Variants in PATJ observed in about 807,000 individuals in gnomAD.
The protein encoded by PATJ is inaD-like protein.
PATJ carries 190 observed loss-of-function variants against 224.9 expected under a neutral mutation model. That is an observed-to-expected ratio of 0.84 (90% CI 0.75 to 0.95). The LOEUF is 0.95. PATJ is among the 40% of genes least tolerant of loss of function. The pLI is 0.00. For missense variants in PATJ, 2,121 were observed against 2,270.3 expected (o/e 0.93, Z 1.34); for synonymous variants, 769 against 820.3 (o/e 0.94, Z 1.07).
intron 43 of PATJ, among the ~76,000 whole-genome samples, chr1:62,156,553 T>C (rs1342590427): frequency 6.7e-6 from 1 of 149,180 alleles, no homozygotes; most frequent in African/African-American, 2.5e-5. Context: ...CCAATGTAAA[T>C]AATAGTTATT....
chr1:61,941,774 C>T (rs1015449777), intron 27 of PATJ, among the ~76,000 whole-genome samples: 2 of 152,154 alleles, frequency 1.3e-5, no homozygotes, highest in African/African-American at 2.4e-5. Context: ...TCATCCCTGT[C>T]TTTAATTATT....
intron 27 of PATJ, among the ~76,000 whole-genome samples, chr1:61,934,112 TTTGTTGTTGTTG>T (rs1167602132): frequency 4.7e-5 from 7 of 149,732 alleles, no homozygotes; most frequent in Non-Finnish European, 8.8e-5. Context: ...ATTTTTGTAT[TTTGTTGTTGTTG>T]TTATTGTTGT....
At chr1:62,084,826 T>C (rs1456625430) in intron 33 of PATJ, among the ~76,000 whole-genome samples, 178 bp downstream of exon 33, 1 of 152,174 alleles carries the variant, frequency 6.6e-6, no homozygotes, top group Non-Finnish European at 1.5e-5. Flanking sequence ...CAGTGTTTAA[T>C]TTTCAACAGT....
chr1:61,884,583 T>G (rs1050986699), intron 22 of PATJ, among the ~76,000 whole-genome samples, 175 bp downstream of exon 22: 1 of 152,004 alleles, frequency 6.6e-6, no homozygotes, highest in Non-Finnish European at 1.5e-5. Context: ...TACTTAAAAT[T>G]TTGCCATATG....
intron 31 of PATJ, among the ~76,000 whole-genome samples, chr1:62,077,686 C>CAAAAAAAAAA (rs11439364): frequency 1.1e-5 from 1 of 89,146 alleles, no homozygotes; most frequent in African/African-American, 4.1e-5. Context: ...AGACCCTGTC[C>CAAAAAAAAAA]AAAAAAAAAA....
At chr1:61,817,411 C>T (rs537451314) in intron 14 of PATJ, among the ~76,000 whole-genome samples, 1 of 152,260 alleles carries the variant, frequency 6.6e-6, no homozygotes, top group East Asian at 1.9e-4. Flanking sequence ...CGCCTGTAAT[C>T]CTAGCACTTT....
intron 35 of PATJ, 25 bp from the exon 36 acceptor site, chr1:62,116,507 C>T (rs1429751675): frequency 1.2e-6 from 2 of 1,612,598 alleles, no homozygotes; most frequent in Non-Finnish European, 1.7e-6. Flanking sequence ...TGTGCCAATA[C>T]TGCACTGCTG....
intron 41 of PATJ, among the ~76,000 whole-genome samples, chr1:62,136,185 G>A (rs1558219161): frequency 1.3e-5 from 2 of 151,618 alleles, no homozygotes; most frequent in South Asian, 4.2e-4. Context: ...GGCTCACACC[G>A]CCACGCCCGG....
At chr1:61,880,712 G>T (rs1447087606) in intron 21 of PATJ, among the ~76,000 whole-genome samples, 1 of 152,182 alleles carries the variant, frequency 6.6e-6, no homozygotes, top group African/African-American at 2.4e-5. Context: ...ACGTGTTTGA[G>T]CTTTCAGTCA....
At chr1:62,069,631 A>C (rs1220254461) in intron 31 of PATJ, among the ~76,000 whole-genome samples, 1 of 152,204 alleles carries the variant, frequency 6.6e-6, no homozygotes, top group Non-Finnish European at 1.5e-5. Context: ...ATTTTTGAGG[A>C]CAAGAAAAAA....
rs1386820465 is a variant in PATJ at position 62,045,688 on chromosome 1, G to T, written c.4033-5278G>T. ...CAGCAAGAGACGACAGGAACACCCA[G>T]CCATCCGGATTAGCTGAGTCATCTT... On this transcript the variant is annotated intron_variant, in intron 30 of 43. Coordinates refer to ENST00000642238, the MANE Select transcript of PATJ (RefSeq NM_001350145.3). 3.3e-5 allele frequency among the ~76,000 whole-genome samples: 5 copies of T among 152,272 alleles called. No individual in the cohort carries two copies. In the East Asian group the frequency reaches 9.6e-4, roughly 29 times the overall value.
At chr1:61,907,333 T>C (rs923011761) in intron 24 of PATJ, among the ~76,000 whole-genome samples, 2 of 152,208 alleles carry the variant, frequency 1.3e-5, no homozygotes, top group Non-Finnish European at 2.9e-5. Flanking sequence ...GTTGAGAAAA[T>C]AGAGGCAGTT....
intron 17 of PATJ, among the ~76,000 whole-genome samples, chr1:61,842,769 A>AAAAAAGGAAAAGAAG (rs1661316868): frequency 6.7e-6 from 1 of 150,288 alleles, no homozygotes. Flanking sequence ...CTATTAAAAA[A>AAAAAAGGAAAAGAAG]AAAAAGGAAT....
intron 30 of PATJ, among the ~76,000 whole-genome samples, chr1:62,046,440 T>G (rs181780652): frequency 1.1e-4 from 17 of 152,266 alleles, no homozygotes; most frequent in African/African-American, 3.9e-4. Flanking sequence ...GACTCCCAAC[T>G]CCATCTAGAT....
At chr1:62,100,179 C>A in intron 33 of PATJ, 1 of 498,002 alleles carries the variant, frequency 2.0e-6, no homozygotes, top group African/African-American at 1.9e-5. Context: ...ATTTAAAATC[C>A]ATTTGTGATG....
At chr1:61,908,982 T>C (rs1672232948) in intron 25 of PATJ, among the ~76,000 whole-genome samples, 1 of 152,228 alleles carries the variant, frequency 6.6e-6, no homozygotes, top group South Asian at 2.1e-4. Context: ...AAAATTTTTC[T>C]TTTTCTTCTT....
chr1:62,148,142 G>A (rs1012751379), intron 41 of PATJ, 142 bp from the exon 42 acceptor site: 162 of 163,840 alleles, frequency 9.9e-4, no homozygotes, highest in Middle Eastern at 2.3e-3. Flanking sequence ...AAAAAAAAAA[G>A]TTTGAGAGAA....
At chr1:61,747,114 C>T (rs1474298864) in intron 1 of PATJ, among the ~76,000 whole-genome samples, 1 of 152,172 alleles carries the variant, frequency 6.6e-6, no homozygotes, top group East Asian at 1.9e-4. Flanking sequence ...GACTTTGCTC[C>T]CCTTGGTGAG....
At chr1:62,144,781 T>TATAC (rs1667870293) in intron 41 of PATJ, among the ~76,000 whole-genome samples, 1 of 135,742 alleles carries the variant, frequency 7.4e-6, no homozygotes, top group African/African-American at 2.9e-5. Flanking sequence ...AAAAAAAATA[T>TATAC]ATATATATAT....
Sources: gnomAD v4.1 joint callset for allele counts (sites outside exome capture counted in the v4.1 genomes callset) on GRCh38, gnomAD v4.1.1 for gene constraint, MANE v1.5 for transcripts, NCBI Gene and HGNC (gene_info 2026-07-23, HGNC 2026-07-21) for gene names.